The following AVEN variants were observed in gnomAD, a reference collection of about 807,000 sequenced individuals.
AVEN encodes apoptosis and caspase activation inhibitor.
A neutral mutation model predicts 38.1 loss-of-function variants in AVEN; 41 were observed. The ratio of observed to expected loss-of-function variants is 1.08; its 90% CI spans 0.84 to 1.40. The LOEUF (loss-of-function observed/expected upper bound fraction) is 1.40, where lower values mean the gene tolerates loss of function less well. Among genes scored for constraint, AVEN ranks in the 40% most tolerant of loss-of-function variants. AVEN has a pLI of 0.00. For synonymous variants in AVEN, 206 were observed against 171.8 expected (o/e 1.20, Z -1.56); for missense variants, 605 against 438.8 (o/e 1.38, Z -3.38).
intron 5 of AVEN, among the ~76,000 whole-genome samples, chr15:34,048,498 G>T (rs535603425): frequency 1.4e-4 from 21 of 151,862 alleles, no homozygotes; most frequent in Non-Finnish European, 2.6e-4. Flanking sequence ...GGACCTCCAT[G>T]TGGGGGTTTC....
At chr15:33,888,242 G>A (rs947670678) in intron 2 of AVEN, among the ~76,000 whole-genome samples, 1 of 152,136 alleles carries the variant, frequency 6.6e-6, no homozygotes, top group Non-Finnish European at 1.5e-5. Flanking sequence ...AATGAGTTAA[G>A]GATCACATAA....
chr15:33,871,170 G>C (rs1350254930), intron 3 of AVEN, 140 bp from the exon 4 acceptor site: 1 of 463,846 alleles, frequency 2.2e-6, no homozygotes, highest in Non-Finnish European at 3.5e-6. Context: ...TTATGTGTTA[G>C]AGTTTCTGCA....
downstream of AVEN, chr15:33,864,748 G>C (rs909356793): frequency 1.0e-5 from 2 of 195,238 alleles, no homozygotes; most frequent in Non-Finnish European, 1.1e-5. Flanking sequence ...CATTCAATGG[G>C]AGAGGTACCT....
chr15:34,074,442 ATAGTTC>A (rs1900694034), exon 1 of AVEN, among the ~76,000 whole-genome samples: 1 of 152,234 alleles, frequency 6.6e-6, no homozygotes, highest in African/African-American at 2.4e-5. Flanking sequence ...TTACCATTTC[ATAGTTC>A]TGGAGGCCAG....
At chr15:33,933,967 A>G (rs1037974229) in intron 2 of AVEN, among the ~76,000 whole-genome samples, 1 of 152,218 alleles carries the variant, frequency 6.6e-6, no homozygotes, top group African/African-American at 2.4e-5. Flanking sequence ...TCACACACAG[A>G]CACATACAAA....
chr15:33,961,641 G>A lies in AVEN; in HGVS notation c.445+41391C>T, dbSNP rs373781336. On this transcript the variant is annotated intron_variant, in intron 2 of 5. Transcript: ENST00000306730. ...ATTCTGGCTAACACGGTGAAACCCCGTCTCTACTAAAAACACAAAAAATTA... is the reference window on the plus strand; with the variant it reads ...ATTCTGGCTAACACGGTGAAACCCCATCTCTACTAAAAACACAAAAAATTA... Among the ~76,000 whole-genome samples the A allele has an allele frequency of 2.6e-3, 397 of 151,336 alleles. 2 individuals are homozygous for A. Among genetic ancestry groups the A allele is most frequent in the East Asian group, 5.3e-3 (27 of 5,104 alleles).
intron 2 of AVEN, among the ~76,000 whole-genome samples, chr15:34,068,563 T>C (rs1900564351): frequency 6.6e-6 from 1 of 152,154 alleles, no homozygotes; most frequent in Non-Finnish European, 1.5e-5. Context: ...TCAATACAAA[T>C]ATAAAAATCA....
At chr15:33,871,533 A>G (rs1040439655) in intron 3 of AVEN, among the ~76,000 whole-genome samples, 11 of 152,180 alleles carry the variant, frequency 7.2e-5, no homozygotes. Flanking sequence ...GCAACACTGC[A>G]AAACAGCCTG....
At chr15:33,902,975 T>C (rs149182529) in intron 2 of AVEN, among the ~76,000 whole-genome samples, 1 of 152,318 alleles carries the variant, frequency 6.6e-6, no homozygotes, top group East Asian at 1.9e-4. Context: ...ATGGAGCCAC[T>C]TGTCATTCTT....
At chr15:33,945,444 A>G (rs377261410) in intron 2 of AVEN, among the ~76,000 whole-genome samples, 28 of 152,208 alleles carry the variant, frequency 1.8e-4, no homozygotes, top group African/African-American at 6.5e-4. Context: ...TTCTACTCAG[A>G]GTTAATTTTT....
At chr15:33,887,580 G>C (rs1891755662) in intron 2 of AVEN, among the ~76,000 whole-genome samples, 1 of 151,950 alleles carries the variant, frequency 6.6e-6, no homozygotes, top group Non-Finnish European at 1.5e-5. Flanking sequence ...AAACACTATT[G>C]TATGTTAATA....
intron 2 of AVEN, among the ~76,000 whole-genome samples, chr15:33,966,600 C>T (rs1212923122): frequency 6.6e-6 from 1 of 152,078 alleles, no homozygotes; most frequent in Non-Finnish European, 1.5e-5. Flanking sequence ...ATCTACACCC[C>T]TTTAATGGCT....
chr15:33,950,044 G>A (rs962727548), intron 2 of AVEN, among the ~76,000 whole-genome samples: 3 of 152,140 alleles, frequency 2.0e-5, no homozygotes, highest in African/African-American at 7.2e-5. Context: ...AAAAAAGAAG[G>A]AAAGCCTGCT....
chr15:33,909,954 T>G, intron 2 of AVEN, among the ~76,000 whole-genome samples: 1 of 144,470 alleles, frequency 6.9e-6, no homozygotes, highest in East Asian at 1.9e-4. Context: ...ATACAAAAAA[T>G]TACACAAAAT....
intron 2 of AVEN, among the ~76,000 whole-genome samples, chr15:33,917,395 C>T (rs1484395308): frequency 7.1e-6 from 1 of 141,524 alleles, no homozygotes; most frequent in Non-Finnish European, 1.5e-5. Flanking sequence ...CACACACACA[C>T]ACATGGAATA....
At chr15:34,040,687 G>A (rs757514386), upstream of AVEN, among the ~76,000 whole-genome samples, 1 of 151,950 alleles carries the variant, frequency 6.6e-6, no homozygotes, top group Non-Finnish European at 1.5e-5. Context: ...CAGCATTTTG[G>A]GAGGCTGTGG....
At chr15:34,057,085 C>T (rs533648987) in intron 5 of AVEN, among the ~76,000 whole-genome samples, 96 of 151,896 alleles carry the variant, frequency 6.3e-4, no homozygotes, top group African/African-American at 2.3e-3. Context: ...TACCCTGTCC[C>T]TTAATAACCA....
downstream of AVEN, among the ~76,000 whole-genome samples, chr15:33,864,435 C>CATTACAGAGACAAT (rs1281802734): frequency 2.2e-4 from 34 of 151,204 alleles, no homozygotes; most frequent in African/African-American, 7.7e-4. Context: ...GTGGGGAGAA[C>CATTACAGAGACAAT]ATTACAGAGA....
chr15:33,864,923 C>T (rs1889949478), downstream of AVEN: 3 of 504,622 alleles, frequency 5.9e-6, no homozygotes, highest in South Asian at 1.0e-4. Context: ...GGATTTTTCT[C>T]CTTCCCTGCC....
Sources: allele counts gnomAD v4.1 joint callset (sites outside exome capture counted in the v4.1 genomes callset), GRCh38; gene constraint gnomAD v4.1.1; transcripts MANE v1.5; gene names NCBI Gene and HGNC (gene_info 2026-07-23, HGNC 2026-07-21).